Variants in FMN2 observed in about 807,000 individuals in gnomAD.
The protein encoded by FMN2 is formin-2.
In FMN2, 51 loss-of-function variants were observed where a neutral mutation model predicts 142.3. That is an observed-to-expected ratio of 0.36 (90% confidence interval 0.29 to 0.45). The LOEUF (loss-of-function observed/expected upper bound fraction) is 0.45, where lower values mean the gene tolerates loss of function less well. FMN2 is among the 20% of genes least tolerant of loss of function. The probability of loss-of-function intolerance (pLI) is 1.00; values close to 1 mark genes in which losing one functional copy is unlikely to be tolerated. For synonymous variants in FMN2, 882 were observed against 869.8 expected, an observed-to-expected ratio of 1.01 and a Z score of -0.25; for missense variants, 1,936 against 2,122.8, an observed-to-expected ratio of 0.91 and a Z score of 1.73.
At chr1:240,360,089 C>T (rs1043305471) in intron 14 of FMN2, among the ~76,000 whole-genome samples, 9 of 152,166 alleles carry the variant, frequency 5.9e-5, no homozygotes, top group East Asian at 1.9e-4. Flanking sequence ...ACTAGTATCA[C>T]GTTAAATTCA....
At chr1:240,189,510 C>T (rs984089476) in intron 4 of FMN2, among the ~76,000 whole-genome samples, 8 of 152,188 alleles carry the variant, frequency 5.3e-5, no homozygotes, top group African/African-American at 1.9e-4. Flanking sequence ...AATAAAGTAA[C>T]TTCCCTTTAG....
At chr1:240,293,100 G>A (rs746736761) in intron 7 of FMN2, among the ~76,000 whole-genome samples, 1 of 152,042 alleles carries the variant, frequency 6.6e-6, no homozygotes, top group Non-Finnish European at 1.5e-5. Flanking sequence ...ATATTCTTTC[G>A]ATCTCATGTA....
At chr1:240,108,280 G>A (rs1047159232) in intron 1 of FMN2, among the ~76,000 whole-genome samples, 1 of 152,144 alleles carries the variant, frequency 6.6e-6, no homozygotes, top group East Asian at 1.9e-4. Flanking sequence ...GACAACCCTA[G>A]ATATTTATCC....
chr1:240,427,738 G>A (rs962165178), intron 15 of FMN2, among the ~76,000 whole-genome samples: 5 of 151,924 alleles, frequency 3.3e-5, no homozygotes, highest in Non-Finnish European at 7.4e-5. Flanking sequence ...CCTCTGTCTT[G>A]TATTTCTTTT....
At chr1:240,365,735 G>T (rs1250647160) in intron 14 of FMN2, among the ~76,000 whole-genome samples, 2 of 152,078 alleles carry the variant, frequency 1.3e-5, no homozygotes, top group Non-Finnish European at 2.9e-5. Context: ...TCATAACTTT[G>T]TCTTATGTGT....
At position 240,206,918 on chromosome 1, in the gene FMN2, A is replaced by G. The variant is rs766273136; in HGVS notation, c.2106A>G (p.Thr702=). ...AGAGGCAGTATCCTGCCCTGGACAC[A>G]GAGGTGGCCAGTGGTCATCAAGGGC... ...ELERQYPALD[T]EVASGHQGLE... Residue 702 remains threonine (T), a synonymous_variant, in exon 5 of 18, where the codon ACA becomes ACG. Coordinates refer to ENST00000319653, the MANE Select transcript of FMN2 (RefSeq NM_020066.5). 8.0e-5 allele frequency: 129 copies of G among 1,614,212 alleles called. No individual in the cohort carries two copies. Among genetic ancestry groups the G allele is most frequent in the Non-Finnish European group, 9.5e-5 (112 of 1,180,024 alleles).
chr1:240,418,445 T>C (rs1674655205), intron 15 of FMN2, among the ~76,000 whole-genome samples: 1 of 152,144 alleles, frequency 6.6e-6, no homozygotes, highest in South Asian at 2.1e-4. Flanking sequence ...TCCCCTCACC[T>C]CAGCCTCCCA....
At position 240,463,896 on chromosome 1, in the gene FMN2, G is replaced by A. The variant is rs150408127; in HGVS notation, c.5061-8476G>A. On this transcript the variant is annotated intron_variant, in intron 16 of 17. Coordinates refer to ENST00000319653, the MANE Select transcript of FMN2 (RefSeq NM_020066.5). ...GGCACGCCTGTGCTCCCAGCTACTC[G>A]GGAGGCTGAGGCATGAGAATCATTT... 4.2e-3 allele frequency among the ~76,000 whole-genome samples: 646 copies of A among 152,160 alleles called. 2 individuals carry two copies. Among genetic ancestry groups the A allele is most frequent in the Non-Finnish European group, 8.0e-3 (543 of 68,000 alleles).
chr1:240,206,867 T>A lies in FMN2; in HGVS notation c.2055T>A (p.Asp685Glu), dbSNP rs752706126. The change falls in exon 5 of 18, where the codon GAT becomes GAA. Residue 685 changes from aspartate to glutamate, a missense_variant. By Grantham distance (45) the Asp-to-Glu change is conservative. This residue lies in a region of FMN2 where 478 missense variants were observed against 462.8 expected (regional missense o/e 1.03). Transcript: ENST00000319653. ...AGCAGCTGGAACAGACTATTGAGGA[T>A]CTGAGAACCAAAATAGCTGAACTAG... ...VIQQLEQTIEDLRTKIAELER... is the reference protein window; with the variant it reads ...VIQQLEQTIEELRTKIAELER... The A allele has an allele frequency of 6.2e-7, 1 of 1,614,148 alleles. No homozygotes were observed. Among genetic ancestry groups the A allele is most frequent in the South Asian group, 1.1e-5 (1 of 91,084 alleles).
intron 15 of FMN2, among the ~76,000 whole-genome samples, chr1:240,403,682 G>A (rs185189539): frequency 5.3e-5 from 8 of 152,202 alleles, no homozygotes; most frequent in South Asian, 2.1e-4. Context: ...TGATGAGACC[G>A]TAAGATGATA....
chr1:240,177,646 C>T lies in FMN2; in HGVS notation c.1783-275C>T, dbSNP rs369533143. ...TCTGATTTTATAATTCCCTGCAGGG[C>T]TACATAGCATCTCTCCCTCCAAAGA... is the stretch of plus-strand genomic sequence containing the variant. On this transcript the variant is annotated intron_variant, in intron 2 of 17. Coordinates refer to ENST00000319653, the MANE Select transcript of FMN2 (RefSeq NM_020066.5). Among the ~76,000 whole-genome samples the T allele has an allele frequency of 1.2e-3, 181 of 152,202 alleles. 4 individuals carry two copies. The South Asian group carries it at 0.027, about 23-fold the overall frequency.
At chr1:240,383,880 GA>G (rs140109654) in intron 14 of FMN2, among the ~76,000 whole-genome samples, 68 of 146,746 alleles carry the variant, frequency 4.6e-4, no homozygotes, top group African/African-American at 1.6e-3. Context: ...ACTGGAGAAA[GA>G]AAAAAAATAT....
intron 8 of FMN2, among the ~76,000 whole-genome samples, chr1:240,296,943 A>G (rs959869667): frequency 1.3e-5 from 2 of 152,206 alleles, no homozygotes; most frequent in East Asian, 1.9e-4. Context: ...TCACATTCCA[A>G]TGAAATTGGT....
intron 14 of FMN2, among the ~76,000 whole-genome samples, chr1:240,381,404 C>T (rs2103082135): frequency 6.6e-6 from 1 of 152,164 alleles, no homozygotes; most frequent in Middle Eastern, 3.4e-3. Context: ...ATTTACCACA[C>T]AAAGAGATTT....
At chr1:240,249,368 T>A (rs547603842) in intron 6 of FMN2, among the ~76,000 whole-genome samples, 17 of 152,304 alleles carry the variant, frequency 1.1e-4, no homozygotes, top group African/African-American at 3.8e-4. Context: ...TTTTCCCTCA[T>A]GTATGTTCTT....
intron 6 of FMN2, among the ~76,000 whole-genome samples, chr1:240,242,858 T>G (rs1252885572): frequency 6.6e-6 from 1 of 152,222 alleles, no homozygotes; most frequent in African/African-American, 2.4e-5. Flanking sequence ...AAATGTCACC[T>G]CACCAATTAG....
chr1:240,263,665 C>A (rs1377902863), intron 7 of FMN2, among the ~76,000 whole-genome samples: 2 of 152,166 alleles, frequency 1.3e-5, no homozygotes, highest in Non-Finnish European at 2.9e-5. Flanking sequence ...TCAGCCATCC[C>A]TGAGGTGTGG....
chr1:240,265,989 G>T, intron 7 of FMN2, among the ~76,000 whole-genome samples: 1 of 145,762 alleles, frequency 6.9e-6, no homozygotes, highest in Admixed American at 7.0e-5. Context: ...TGGGACAAAA[G>T]GAGGGTGTAG....
At chr1:240,138,960 T>A (rs1463519900) in intron 2 of FMN2, among the ~76,000 whole-genome samples, 1 of 152,216 alleles carries the variant, frequency 6.6e-6, no homozygotes, top group Non-Finnish European at 1.5e-5. Flanking sequence ...TTACTCCTAC[T>A]AATCTCAAAC....
Sources: allele counts gnomAD v4.1 joint callset (sites outside exome capture counted in the v4.1 genomes callset), GRCh38; gene constraint gnomAD v4.1.1; regional missense constraint gnomAD v4.1.1; transcripts MANE v1.5; gene names NCBI Gene and HGNC (gene_info 2026-07-23, HGNC 2026-07-21).